Variants in OR6K2 observed in about 807,000 individuals in gnomAD.
OR6K2 encodes olfactory receptor 6K2.
For missense variants in OR6K2, 450 were observed against 402.5 expected, an observed-to-expected ratio of 1.12 and a Z score of -1.01; for synonymous variants, 139 against 143.8, an observed-to-expected ratio of 0.97 and a Z score of 0.24.
chr1:158,700,370 C>T lies in OR6K2; in HGVS notation c.283G>A (p.Gly95Ser), dbSNP rs773659942. 1 of 1,614,152 alleles carries T rather than the reference C, an allele frequency of 6.2e-7. No homozygotes were observed. Among genetic ancestry groups the T allele is most frequent in the Non-Finnish European group, 8.5e-7 (1 of 1,180,028 alleles). The stretch of plus-strand genomic sequence containing the variant: ...AAGAAATACATCTGCAGGAGACAAC[C>T]ATTGAAGGAAATGCTCCTCTCACTA... ...LLSERSISFN[G>S]CLLQMYFFHS... The change falls in exon 1 of 1, where the codon GGT becomes AGT. Residue 95 changes from glycine to serine, a missense_variant. Physicochemically the swap from Gly to Ser is moderately conservative, Grantham distance 56. Coordinates refer to ENST00000359610, the MANE Select transcript of OR6K2 (RefSeq NM_001005279.3).
At position 158,699,692 on chromosome 1, in the gene OR6K2, T is replaced by G. The variant is rs761520788; in HGVS notation, c.961A>C (p.Ser321Arg). 2 of 1,607,610 alleles carry G rather than the reference T, an allele frequency of 1.2e-6. No individual in the cohort carries two copies. The highest frequency in any genetic ancestry group is 1.7e-6 in the Non-Finnish European group (2 of 1,178,224). ...IFFSVRPGTS[S>R]KIF ...CAGAATCTCAACTAAAATATCTTAC[T>G]TGAGGTCCCTGGTCTTACGGAAAAA... The change falls in exon 1 of 1, where the codon AGT (serine) becomes CGT (arginine). Residue 321 changes from serine to arginine, a missense_variant. Physicochemically the swap from Ser to Arg is moderately radical, Grantham distance 110 (BLOSUM62 -1). Transcript: ENST00000359610.
Position 158,699,987 on chromosome 1 carries a change from A to G in OR6K2, c.666T>C (p.Ile222=), listed in dbSNP as rs1299381461. The G allele has an allele frequency of 6.2e-7, 1 of 1,614,176 alleles. No individual in the cohort carries two copies. Among genetic ancestry groups the G allele is most frequent in the East Asian group, 2.2e-5 (1 of 44,888 alleles). Residue 222 remains isoleucine, a synonymous_variant, in exon 1 of 1, where the codon ATT becomes ATC. Transcript: ENST00000359610. ...VMLIFMSYDG[I]VAVILRIHSA... ...AATGAATACGTAGAATTACAGCCAC[A>G]ATACCATCGTAGGACATGAAGATGA...
At position 158,700,616 on chromosome 1, in the gene OR6K2, T is replaced by TA. The variant is rs777941936; in HGVS notation, c.36dup (p.Ile13TyrfsTer11). 1.6e-5 allele frequency: 26 copies of TA among 1,613,116 alleles called. No homozygotes were observed. The highest frequency in any genetic ancestry group is 2.2e-5 in the Non-Finnish European group (26 of 1,179,980). On this transcript the variant is annotated frameshift_variant, in exon 1 of 1. Coordinates refer to ENST00000359610, the MANE Select transcript of OR6K2 (RefSeq NM_001005279.3). LOFTEE classifies it low-confidence loss of function (END_TRUNC). ...CAGGAATAAGGGAAAGCGGAGAAGA[T>TA]AAACTCCTGAATGGTGGTTCGATTG...
rs778393764 is a variant in OR6K2 at position 158,699,970 on chromosome 1, C to G, written c.683G>C (p.Arg228Pro). ...GCGGCGGCCTCCAGCTGAATGAATA[C>G]GTAGAATTACAGCCACAATACCATC... Reference protein sequence around the residue: ...SYDGIVAVILRIHSAGGRRTA... With the variant: ...SYDGIVAVILPIHSAGGRRTA... The change falls in exon 1 of 1, where the codon CGT becomes CCT. Residue 228 changes from arginine (R) to proline (P), a missense_variant. Physicochemically the swap from Arg to Pro is moderately radical, Grantham distance 103. Coordinates refer to ENST00000359610, the MANE Select transcript of OR6K2 (RefSeq NM_001005279.3). 3 of 1,613,922 alleles carry G rather than the reference C, an allele frequency of 1.9e-6. No individual in the cohort carries two copies. The highest frequency in any genetic ancestry group is 1.7e-6 in the Non-Finnish European group (2 of 1,180,024).
Position 158,700,240 on chromosome 1 carries a change from T to C in OR6K2, c.413A>G (p.Lys138Arg), listed in dbSNP as rs1165695350. The change falls in exon 1 of 1, where the codon AAG (lysine) becomes AGG (arginine). Residue 138 changes from lysine to arginine, a missense_variant. Coordinates refer to ENST00000359610, the MANE Select transcript of OR6K2 (RefSeq NM_001005279.3). The stretch of plus-strand genomic sequence containing the variant: ...ACTTAAAGTCAGTTGGGTACATAGC[T>C]TGGGGGTCATGATAGAGGGATAATG... Reference protein sequence around the residue: ...PLHYPSIMTPKLCTQLTLSCC... With the variant: ...PLHYPSIMTPRLCTQLTLSCC... 2 of 1,613,790 alleles carry C rather than the reference T, an allele frequency of 1.2e-6. No homozygotes were observed. The highest frequency in any genetic ancestry group is 1.3e-5 in the African/African-American group (1 of 74,836).
Position 158,699,944 on chromosome 1 carries a change from T to A in OR6K2, c.709A>T (p.Thr237Ser). 2 of 1,614,114 alleles carry A rather than the reference T, an allele frequency of 1.2e-6. No individual in the cohort carries two copies. The highest frequency in any genetic ancestry group is 1.7e-6 in the Non-Finnish European group (2 of 1,180,026). Residue 237 changes from threonine (T) to serine (S), a missense_variant, in exon 1 of 1, where the codon ACA becomes TCA. Coordinates refer to ENST00000359610, the MANE Select transcript of OR6K2 (RefSeq NM_001005279.3). ...TGAGAGACACACGTGGAAAATGCTGTGCGGCGGCCTCCAGCTGAATGAATA... is the reference window on the plus strand; with the variant it reads ...TGAGAGACACACGTGGAAAATGCTGAGCGGCGGCCTCCAGCTGAATGAATA... The part of the protein sequence containing the change: ...LRIHSAGGRR[T>S]AFSTCVSHFI...
At position 158,700,157 on chromosome 1, in the gene OR6K2, G is replaced by T. The variant is rs1243777451; in HGVS notation, c.496C>A (p.Pro166Thr). 6.2e-7 allele frequency: 1 copy of T among 1,613,914 alleles called. No individual in the cohort carries two copies. The highest frequency in any genetic ancestry group is 1.7e-5 in the Admixed American group (1 of 59,994). ...TCAAGGTGATTCGAACCACAAAATGGCAGTGTAGAGATCCAGGCAATCTCA... is the reference window on the plus strand; with the variant it reads ...TCAAGGTGATTCGAACCACAAAATGTCAGTGTAGAGATCCAGGCAATCTCA... Reference protein sequence around the residue: ...LPEIAWISTLPFCGSNHLEHI... With the variant: ...LPEIAWISTLTFCGSNHLEHI... Residue 166 changes from proline to threonine, a missense_variant, in exon 1 of 1, where the codon CCA becomes ACA. Coordinates refer to ENST00000359610, the MANE Select transcript of OR6K2 (RefSeq NM_001005279.3).
chr1:158,699,761 T>C lies in OR6K2; in HGVS notation c.892A>G (p.Ile298Val), dbSNP rs373060332. The C allele has an allele frequency of 8.1e-6, 13 of 1,614,060 alleles. No individual in the cohort carries two copies. Among genetic ancestry groups the C allele is most frequent in the Non-Finnish European group, 1.1e-5 (13 of 1,179,944 alleles). ...ATGTGCTTTTTTATAGCTTCTTTTA[T>C]TTCTTTATTCCTCAGGCTATAGATA... ...PIIYSLRNKE[I>V]KEAIKKHIGQ... The change falls in exon 1 of 1, where the codon ATA becomes GTA. Residue 298 changes from isoleucine (I) to valine (V), a missense_variant. Coordinates refer to ENST00000359610, the MANE Select transcript of OR6K2 (RefSeq NM_001005279.3).
At position 158,700,167 on chromosome 1, in the gene OR6K2, G is replaced by T. The variant is rs748032072; in HGVS notation, c.486C>A (p.Ile162=). Residue 162 remains isoleucine (I), a synonymous_variant, in exon 1 of 1, where the codon ATC becomes ATA. Transcript: ENST00000359610. Reference sequence around the variant, plus strand: ...TCGAACCACAAAATGGCAGTGTAGAGATCCAGGCAATCTCAGGAAGGGGTG... The same window carrying T: ...TCGAACCACAAAATGGCAGTGTAGATATCCAGGCAATCTCAGGAAGGGGTG... The part of the protein sequence containing the change: ...FITPLPEIAW[I]STLPFCGSNH... 1 of 1,613,156 alleles carries T rather than the reference G, an allele frequency of 6.2e-7. No homozygotes were observed. The highest frequency in any genetic ancestry group is 1.7e-5 in the Admixed American group (1 of 59,950).
Position 158,700,320 on chromosome 1 carries a change from C to T in OR6K2, c.333G>A (p.Val111=). Residue 111 remains valine, a synonymous_variant, in exon 1 of 1, where the codon GTG becomes GTA. Transcript: ENST00000359610. ...YFFHSTGICE[V]CLLTVMAFDH... ...CAAAGGCCATAACTGTCAAGAGACA[C>T]ACCTCACAGATGCCGGTGGAATGGA... is the stretch of plus-strand genomic sequence containing the variant. The T allele has an allele frequency of 6.2e-7, 1 of 1,614,152 alleles. No homozygotes were observed. Among genetic ancestry groups the T allele is most frequent in the Non-Finnish European group, 8.5e-7 (1 of 1,180,018 alleles).
rs535826688 is a variant in OR6K2 at position 158,700,637 on chromosome 1, G to C, written c.16C>G (p.Arg6Gly). The C allele has an allele frequency of 2.3e-4, 366 of 1,609,766 alleles. 3 individuals are homozygous for C. The South Asian group carries it at 3.8e-3, about 17-fold the overall frequency. The change falls in exon 1 of 1, where the codon CGA (arginine) becomes GGA (glycine). Residue 6 changes from arginine (R) to glycine (G), a missense_variant. By Grantham distance (125) the Arg-to-Gly change is moderately radical. Transcript: ENST00000359610. ...AAGATAAACTCCTGAATGGTGGTTCGATTGGGGCTCTCCATCTCCAAGTTG... is the reference window on the plus strand; with the variant it reads ...AAGATAAACTCCTGAATGGTGGTTCCATTGGGGCTCTCCATCTCCAAGTTG... MESPN[R>G]TTIQEFIFSA... is the part of the protein sequence containing the mutation.
rs1196155400 is a variant in OR6K2, at chr1:158,699,993, A to C, written c.660T>G (p.Asp220Glu). Reference protein sequence around the residue: ...TAVMLIFMSYDGIVAVILRIH... With the variant: ...TAVMLIFMSYEGIVAVILRIH... ...TACGTAGAATTACAGCCACAATACC[A>C]TCGTAGGACATGAAGATGAGCATCA... is the stretch of plus-strand genomic sequence containing the variant. The change falls in exon 1 of 1, where the codon GAT (aspartate) becomes GAG (glutamate). Residue 220 changes from aspartate (D) to glutamate (E), a missense_variant. Physicochemically the swap from Asp to Glu is conservative, Grantham distance 45 (BLOSUM62 2). Transcript: ENST00000359610. The C allele has an allele frequency of 6.2e-7, 1 of 1,614,144 alleles. No individual in the cohort carries two copies. The highest frequency in any genetic ancestry group is 1.1e-5 in the South Asian group (1 of 91,080).
rs1185897932 is a variant in OR6K2, at chr1:158,700,461, A to G, written c.192T>C (p.Ser64=). ...HLHTPMYTFI[S]ALSFLEIWYT... ...ACCAAATCTCCAGGAAAGAAAGAGCACTGATAAAAGTATACATGGGAGTGT... is the reference window on the plus strand; with the variant it reads ...ACCAAATCTCCAGGAAAGAAAGAGCGCTGATAAAAGTATACATGGGAGTGT... Residue 64 remains serine, a synonymous_variant, in exon 1 of 1, where the codon AGT becomes AGC. Transcript: ENST00000359610. 1.2e-6 allele frequency: 2 copies of G among 1,614,034 alleles called. No individual in the cohort carries two copies. The highest frequency in any genetic ancestry group is 1.3e-5 in the African/African-American group (1 of 74,926).
rs759102698 is a variant in OR6K2 at position 158,699,874 on chromosome 1, T to A, written c.779A>T (p.Tyr260Phe). 3 of 1,614,070 alleles carry A rather than the reference T, an allele frequency of 1.9e-6. No homozygotes were observed. The highest frequency in any genetic ancestry group is 2.5e-6 in the Non-Finnish European group (3 of 1,180,004). The part of the protein sequence containing the change: ...SLFFGSVTLM[Y>F]LRFSATYSLF... ...AGAGTAGGTGGCAGAGAAGCGTAGGTACATGAGAGTCACACTGCCAAAGAA... is the reference window on the plus strand; with the variant it reads ...AGAGTAGGTGGCAGAGAAGCGTAGGAACATGAGAGTCACACTGCCAAAGAA... The change falls in exon 1 of 1, where the codon TAC becomes TTC. Residue 260 changes from tyrosine to phenylalanine, a missense_variant. By Grantham distance (22) the Tyr-to-Phe change is conservative (BLOSUM62 3). Transcript: ENST00000359610.
At position 158,700,521 on chromosome 1, in the gene OR6K2, G is replaced by T. The variant is rs1462055380; in HGVS notation, c.132C>A (p.Val44=). 1 of 1,614,146 alleles carries T rather than the reference G, an allele frequency of 6.2e-7. No individual in the cohort carries two copies. Among genetic ancestry groups the T allele is most frequent in the Non-Finnish European group, 8.5e-7 (1 of 1,180,028 alleles). Residue 44 remains valine, a synonymous_variant, in exon 1 of 1, where the codon GTC becomes GTA. Coordinates refer to ENST00000359610, the MANE Select transcript of OR6K2 (RefSeq NM_001005279.3). ...IYAFIVVGNL[V]IITVVQLNTH... ...TATTCAACTGGACCACTGTGATGAT[G>T]ACCAGGTTTCCAACAACAATGAAAG...
rs1196663102 is a variant in OR6K2, at chr1:158,700,069, A to G, written c.584T>C (p.Val195Ala). The stretch of plus-strand genomic sequence containing the variant: ...AATGACATCCACTACCTGAATCATG[A>G]CGATGGCTCGTGTGTCTGTGCAGGC... ...RLACTDTRAI[V>A]MIQVVDVIHA... The change falls in exon 1 of 1, where the codon GTC (valine) becomes GCC (alanine). Residue 195 changes from valine (V) to alanine (A), a missense_variant. Physicochemically the swap from Val to Ala is moderately conservative, Grantham distance 64. Coordinates refer to ENST00000359610, the MANE Select transcript of OR6K2 (RefSeq NM_001005279.3). The G allele has an allele frequency of 6.2e-7, 1 of 1,613,952 alleles. No individual in the cohort carries two copies. The highest frequency in any genetic ancestry group is 2.2e-5 in the East Asian group (1 of 44,894).
rs376650928 is a variant in OR6K2 at position 158,700,627 on chromosome 1, A to C, written c.26T>G (p.Ile9Ser). The C allele has an allele frequency of 1.1e-5, 18 of 1,611,948 alleles. No homozygotes were observed. The highest frequency in any genetic ancestry group is 4.5e-5 in the East Asian group (2 of 44,864). The change falls in exon 1 of 1, where the codon ATT (isoleucine) becomes AGT (serine). Residue 9 changes from isoleucine to serine, a missense_variant. Ile to Ser is a moderately radical substitution (Grantham distance 142, BLOSUM62 -2). Coordinates refer to ENST00000359610, the MANE Select transcript of OR6K2 (RefSeq NM_001005279.3). ...GAAAGCGGAGAAGATAAACTCCTGA[A>C]TGGTGGTTCGATTGGGGCTCTCCAT... is the stretch of plus-strand genomic sequence containing the variant. MESPNRTTIQEFIFSAFPY... is the reference protein window; with the variant it reads MESPNRTTSQEFIFSAFPY...
Position 158,700,322 on chromosome 1 carries a change from C to T in OR6K2, c.331G>A (p.Val111Met), listed in dbSNP as rs1303190507. 4 of 1,614,146 alleles carry T rather than the reference C, an allele frequency of 2.5e-6. No individual in the cohort carries two copies. The East Asian group carries it at 8.9e-5, about 36-fold the overall frequency. ...AAGGCCATAACTGTCAAGAGACACA[C>T]CTCACAGATGCCGGTGGAATGGAAG... ...YFFHSTGICEVCLLTVMAFDH... is the reference protein window; with the variant it reads ...YFFHSTGICEMCLLTVMAFDH... Residue 111 changes from valine (V) to methionine (M), a missense_variant, in exon 1 of 1, where the codon GTG (valine) becomes ATG (methionine). Val to Met is a conservative substitution (Grantham distance 21). Transcript: ENST00000359610.
rs1366888965 is a variant in OR6K2 at position 158,700,418 on chromosome 1, G to C, written c.235C>G (p.Pro79Ala). Residue 79 changes from proline (P) to alanine (A), a missense_variant, in exon 1 of 1, where the codon CCA (proline) becomes GCA (alanine). Physicochemically the swap from Pro to Ala is conservative, Grantham distance 27 (BLOSUM62 -1). Transcript: ENST00000359610. ...LEIWYTTATIPKMLSSLLSER... is the reference protein window; with the variant it reads ...LEIWYTTATIAKMLSSLLSER... ...CTAAGCAGGCTAGACAGCATCTTTG[G>C]GATTGTGGCTGTGGTATACCAAATC... 1.2e-6 allele frequency: 2 copies of C among 1,614,106 alleles called. No homozygotes were observed. Among genetic ancestry groups the C allele is most frequent in the South Asian group, 2.2e-5 (2 of 91,068 alleles).
Sources: gnomAD v4.1 joint callset for allele counts on GRCh38, gnomAD v4.1.1 for gene constraint, MANE v1.5 for transcripts, NCBI Gene and HGNC (gene_info 2026-07-23, HGNC 2026-07-21) for gene names.